Variants in SLC36A4 observed in about 807,000 individuals in gnomAD.
SLC36A4 encodes the protein solute carrier family 36 member 4.
SLC36A4 carries 49 observed loss-of-function variants against 50.5 expected under a neutral mutation model. The ratio of observed to expected loss-of-function variants is 0.97; its 90% CI spans 0.77 to 1.23. SLC36A4 has a LOEUF of 1.23. Among genes scored for constraint, SLC36A4 ranks in the 50% most tolerant of loss-of-function variants. SLC36A4 has a pLI of 0.00. For synonymous variants in SLC36A4, 207 were observed against 206.5 expected, an observed-to-expected ratio of 1.00 and a Z score of -0.02; for missense variants, 611 against 608.4, an observed-to-expected ratio of 1.00 and a Z score of -0.05.
At chr11:93,161,570 A>T (rs1335210840) in intron 9 of SLC36A4, among the ~76,000 whole-genome samples, 1 of 152,212 alleles carries the variant, frequency 6.6e-6, no homozygotes, top group Non-Finnish European at 1.5e-5. Flanking sequence ...TTTGACTCCA[A>T]TAAATGCCCA....
intron 10 of SLC36A4, among the ~76,000 whole-genome samples, chr11:93,150,525 A>G (rs1217410966): frequency 6.6e-6 from 1 of 152,030 alleles, no homozygotes; most frequent in East Asian, 1.9e-4. Flanking sequence ...CTAAAGCCCT[A>G]AAAACTGTTT....
chr11:93,160,826 A>G (rs1217890077), intron 9 of SLC36A4: 1 of 837,592 alleles, frequency 1.2e-6, no homozygotes, highest in Admixed American at 6.2e-5. Flanking sequence ...TTTAAGACCT[A>G]GTCAAAATAT....
At chr11:93,156,621 T>C (rs1486416872) in intron 9 of SLC36A4, among the ~76,000 whole-genome samples, 2 of 152,222 alleles carry the variant, frequency 1.3e-5, no homozygotes, top group East Asian at 3.9e-4. Flanking sequence ...GGTTTCACCA[T>C]ATTGGCCAGG....
intron 1 of SLC36A4, among the ~76,000 whole-genome samples, chr11:93,193,248 A>G (rs1862288032): frequency 1.3e-5 from 2 of 152,194 alleles, no homozygotes; most frequent in South Asian, 4.1e-4. Context: ...AATAGAGATT[A>G]GTGAGGGAGA....
At chr11:93,156,040 T>C (rs1565216824) in intron 9 of SLC36A4, among the ~76,000 whole-genome samples, 1 of 152,156 alleles carries the variant, frequency 6.6e-6, no homozygotes, top group African/African-American at 2.4e-5. Flanking sequence ...TGAACAAAGG[T>C]ATTTATGTGT....
At chr11:93,180,295 TA>T (rs1430248156) in intron 6 of SLC36A4, 1 of 985,178 alleles carries the variant, frequency 1.0e-6, no homozygotes, top group Non-Finnish European at 1.2e-6. Context: ...CACTTCTTCT[TA>T]AAGCAAACCT....
chr11:93,185,401 C>G (rs1861938873), intron 2 of SLC36A4: 1 of 230,514 alleles, frequency 4.3e-6, no homozygotes, highest in Non-Finnish European at 8.3e-6. Flanking sequence ...TGTACTACCT[C>G]CTGATCATTT....
Position 93,181,806 on chromosome 11 carries a change from A to C in SLC36A4, c.360-20T>G. ...TTAAACCTGTAATTTAATGACATAC[A>C]TACAAAGGAAAAAAGAAAAATTTTA... On this transcript the variant is annotated intron_variant, in intron 4 of 10. Coordinates refer to ENST00000326402, the MANE Select transcript of SLC36A4 (RefSeq NM_152313.4). 1 of 1,528,766 alleles carries C rather than the reference A, an allele frequency of 6.5e-7. No homozygotes were observed. Among genetic ancestry groups the C allele is most frequent in the Admixed American group, 2.2e-5 (1 of 44,516 alleles). 94.7% of individuals were successfully genotyped at this position (1,528,766 alleles called of 1,614,324 possible).
chr11:93,188,175 G>A (rs1355526008), intron 1 of SLC36A4, among the ~76,000 whole-genome samples: 2 of 152,152 alleles, frequency 1.3e-5, no homozygotes, highest in African/African-American at 2.4e-5. Context: ...TGATCTCCTC[G>A]CAATGCTAAA....
chr11:93,161,861 A>C (rs1163850901), intron 9 of SLC36A4, among the ~76,000 whole-genome samples: 2 of 152,174 alleles, frequency 1.3e-5, no homozygotes, highest in East Asian at 1.9e-4. Context: ...AAATTTTCCA[A>C]AGACAAACCT....
At chr11:93,180,673 A>C in intron 6 of SLC36A4, 124 bp downstream of exon 6, 1 of 739,596 alleles carries the variant, frequency 1.4e-6, no homozygotes, top group Non-Finnish European at 2.3e-6. Flanking sequence ...AAAATTTATA[A>C]AGGAAGATCA....
chr11:93,153,699 C>G (rs1860210869), intron 10 of SLC36A4, among the ~76,000 whole-genome samples: 1 of 151,928 alleles, frequency 6.6e-6, no homozygotes, highest in African/African-American at 2.4e-5. Context: ...AAGACCAATA[C>G]AAGTAAAATT....
At chr11:93,183,221 T>C (rs1192488901) in intron 3 of SLC36A4, among the ~76,000 whole-genome samples, 3 of 152,232 alleles carry the variant, frequency 2.0e-5, no homozygotes, top group African/African-American at 7.2e-5. Flanking sequence ...ATTATAATTA[T>C]ATGCAACCAT....
rs988038924 is a variant in SLC36A4 at position 93,144,849 on chromosome 11, C to T, written c.*3688G>A. 1.3e-5 allele frequency: 2 copies of T among 152,042 alleles called. No homozygotes were observed. Among genetic ancestry groups the T allele is most frequent in the Admixed American group, 6.6e-5 (1 of 15,230 alleles). 9.4% of individuals were successfully genotyped at this position (152,042 alleles called of 1,614,324 possible). ...CTAGGTGAGCCAAAAAGATCAGACT[C>T]ATTTTTTAAAAAGTCATTATTGTAT... On this transcript the variant is annotated 3_prime_UTR_variant, in exon 11 of 11. Transcript: ENST00000326402.
chr11:93,177,096 G>C (rs1170465669), intron 6 of SLC36A4, among the ~76,000 whole-genome samples: 2 of 152,172 alleles, frequency 1.3e-5, no homozygotes, highest in African/African-American at 4.8e-5. Context: ...TACCAAATCA[G>C]ACGTAGATTT....
chr11:93,192,250 T>G (rs946404712), intron 1 of SLC36A4, among the ~76,000 whole-genome samples: 2 of 151,494 alleles, frequency 1.3e-5, no homozygotes, highest in African/African-American at 2.4e-5. Context: ...GGAGCAGGAG[T>G]GAGCAGCGTG....
intron 6 of SLC36A4, among the ~76,000 whole-genome samples, chr11:93,169,519 T>C (rs934785301): frequency 6.6e-6 from 1 of 152,136 alleles, no homozygotes; most frequent in Non-Finnish European, 1.5e-5. Flanking sequence ...ACAATTTAAG[T>C]GTTTCTTCTA....
At chr11:93,194,203 T>C (rs1862328981) in intron 1 of SLC36A4, among the ~76,000 whole-genome samples, 1 of 152,036 alleles carries the variant, frequency 6.6e-6, no homozygotes, top group Non-Finnish European at 1.5e-5. Context: ...TTTCCTTCTC[T>C]GGAAAATGTA....
intron 1 of SLC36A4, among the ~76,000 whole-genome samples, chr11:93,187,974 C>T (rs1201064964): frequency 8.5e-5 from 13 of 152,172 alleles, no homozygotes; most frequent in Admixed American, 7.2e-4. Flanking sequence ...TCTGTTTAGA[C>T]GTTTAACAGT....
Sources: gnomAD v4.1 joint callset for allele counts (sites outside exome capture counted in the v4.1 genomes callset) on GRCh38, gnomAD v4.1.1 for gene constraint, MANE v1.5 for transcripts, NCBI Gene and HGNC (gene_info 2026-07-23, HGNC 2026-07-21) for gene names.